Variants in IGSF9B observed in about 807,000 individuals in gnomAD.
IGSF9B encodes immunoglobulin superfamily member 9B.
Under a neutral mutation model 143.7 loss-of-function variants are expected in IGSF9B, and 48 were observed. The ratio of observed to expected loss-of-function variants is 0.33; its 90% CI spans 0.26 to 0.42. The LOEUF is 0.42. IGSF9B is among the 20% of genes least tolerant of loss of function. IGSF9B has a pLI of 1.00. For synonymous variants in IGSF9B, 903 were observed against 833.1 expected, an observed-to-expected ratio of 1.08 and a Z score of -1.44; for missense variants, 1,706 against 1,980.0, an observed-to-expected ratio of 0.86 and a Z score of 2.63.
At chr11:133,932,314 G>C (rs1939747855) in intron 7 of IGSF9B, 101 bp from the exon 8 acceptor site, 6 of 1,281,862 alleles carry the variant, frequency 4.7e-6, no homozygotes, top group Non-Finnish European at 6.4e-6. Context: ...GACAGACACA[G>C]GGAAGCCAGG....
At chr11:133,949,032 C>T (rs928678821) in intron 1 of IGSF9B, among the ~76,000 whole-genome samples, 23 of 152,132 alleles carry the variant, frequency 1.5e-4, no homozygotes, top group African/African-American at 5.6e-4. Flanking sequence ...GATTCCACCC[C>T]AGCCCCAGCC....
At chr11:133,937,670 G>T (rs1021585335) in intron 4 of IGSF9B, 140 bp downstream of exon 4, 31 of 1,151,934 alleles carry the variant, frequency 2.7e-5, no homozygotes, top group Non-Finnish European at 3.6e-5. Flanking sequence ...ACACAGAGAC[G>T]CCTGCAGCTG....
At chr11:133,934,493 G>A (rs1218263191) in intron 7 of IGSF9B, among the ~76,000 whole-genome samples, 1 of 152,222 alleles carries the variant, frequency 6.6e-6, no homozygotes, top group East Asian at 1.9e-4. Context: ...CTGTTGTCCT[G>A]GACCTCACGG....
intron 3 of IGSF9B, among the ~76,000 whole-genome samples, chr11:133,938,515 C>A (rs1939866749): frequency 6.6e-6 from 1 of 152,222 alleles, no homozygotes; most frequent in Non-Finnish European, 1.5e-5. Flanking sequence ...CCGAAGGCCA[C>A]TCCCTTCTTC....
Position 133,921,150 on chromosome 11 carries a change from C to G in IGSF9B, c.2575G>C (p.Val859Leu), listed in dbSNP as rs756787214. The G allele has an allele frequency of 5.0e-6, 8 of 1,613,088 alleles. No individual in the cohort carries two copies. Among genetic ancestry groups the G allele is most frequent in the Non-Finnish European group, 6.8e-6 (8 of 1,179,568 alleles). Residue 859 changes from valine to leucine, a missense_variant, in exon 18 of 20, where the codon GTG (valine) becomes CTG (leucine). Physicochemically the swap from Val to Leu is conservative, Grantham distance 32 (BLOSUM62 1). This residue lies in a region of IGSF9B where 135 missense variants were observed against 181.3 expected (regional missense o/e 0.74). Transcript: ENST00000533871. ...LISRGPDGRF[V>L]MDPAEMEPSL... ...GGCTCCATCTCGGCAGGGTCCATCA[C>G]GAAGCGGCCGTCAGGGCCTCTGCTG... is the stretch of plus-strand genomic sequence containing the variant.
chr11:133,931,781 G>A lies in IGSF9B; in HGVS notation c.1125C>T (p.Thr375=), dbSNP rs369710429. Residue 375 remains threonine (T), a synonymous_variant, in exon 9 of 20, where the codon ACC becomes ACT. Coordinates refer to ENST00000533871, the MANE Select transcript of IGSF9B (RefSeq NM_001277285.4). The surrounding 1 kb of genome is among the most constrained non-coding windows in gnomAD (Gnocchi z 7.7). Reference sequence around the variant, plus strand: ...TTCGAATGGAGCCATCCTCCATCAGGGTCCAACCGAGGTTCTGCCAGACAC... The same window carrying A: ...TTCGAATGGAGCCATCCTCCATCAGAGTCCAACCGAGGTTCTGCCAGACAC... The part of the protein sequence containing the change: ...PLQVEKNLGW[T]LMEDGSIRIE... 1.7e-5 allele frequency: 27 copies of A among 1,611,824 alleles called. No homozygotes were observed. Among genetic ancestry groups the A allele is most frequent in the Non-Finnish European group, 2.2e-5 (26 of 1,179,380 alleles).
At position 133,907,887 on chromosome 11, in the gene IGSF9B, A is replaced by C. The variant is rs1939234148; in HGVS notation, c.*1182T>G. On this transcript the variant is annotated 3_prime_UTR_variant, in exon 20 of 20. Coordinates refer to ENST00000533871, the MANE Select transcript of IGSF9B (RefSeq NM_001277285.4). ...GAGGACGAAGGCCCCGGGGCAGAGA[A>C]GAGTCGGCAGGCAGCACGTGGTGAG... 6.6e-6 allele frequency among the ~76,000 whole-genome samples: 1 copy of C among 152,222 alleles called. No individual in the cohort carries two copies. The highest frequency in any genetic ancestry group is 1.5e-5 in the Non-Finnish European group (1 of 68,034).
chr11:133,941,804 C>T (rs557439218), intron 3 of IGSF9B, among the ~76,000 whole-genome samples: 172 of 152,194 alleles, frequency 1.1e-3, no homozygotes, highest in Non-Finnish European at 2.1e-3. Flanking sequence ...CTTCCGAGCA[C>T]GCTTGTCCAC....
At chr11:133,932,489 A>G (rs111174075) in intron 7 of IGSF9B, among the ~76,000 whole-genome samples, 195 of 113,256 alleles carry the variant, frequency 1.7e-3, no homozygotes, top group Middle Eastern at 0.011. Context: ...AAGCCAGGTG[A>G]GAGAGCAGAC....
At position 133,907,872 on chromosome 11, in the gene IGSF9B, G is replaced by A. The variant is rs766470073; in HGVS notation, c.*1197C>T. ...AGCTCAGGTCCACCGGAGGACGAAG[G>A]CCCCGGGGCAGAGAAGAGTCGGCAG... is the stretch of plus-strand genomic sequence containing the variant. On this transcript the variant is annotated 3_prime_UTR_variant, in exon 20 of 20. Transcript: ENST00000533871. Among the ~76,000 whole-genome samples the A allele has an allele frequency of 2.6e-5, 4 of 152,218 alleles. No individual in the cohort carries two copies. The highest frequency in any genetic ancestry group is 4.8e-5 in the African/African-American group (2 of 41,464).
In IGSF9B at chr11:133,920,191, C is replaced by T; in HGVS notation, c.3534G>A (p.Arg1178=). The change falls in exon 18 of 20, where the codon CGG becomes CGA. Residue 1178 remains arginine (R), a synonymous_variant. Coordinates refer to ENST00000533871, the MANE Select transcript of IGSF9B (RefSeq NM_001277285.4). ...TRWYEPQPRP[R]PSPRQARRAE... is the part of the protein sequence containing the mutation. ...CGCGCCTGGCCTGCCGAGGGCTAGGCCGGGGCCGGGGCTGGGGCTCATACC... is the reference window on the plus strand; with the variant it reads ...CGCGCCTGGCCTGCCGAGGGCTAGGTCGGGGCCGGGGCTGGGGCTCATACC... The T allele has an allele frequency of 6.6e-7, 1 of 1,510,468 alleles. No homozygotes were observed. Among genetic ancestry groups the T allele is most frequent in the Non-Finnish European group, 8.9e-7 (1 of 1,129,830 alleles). 93.6% of individuals were successfully genotyped at this position (1,510,468 alleles called of 1,614,324 possible).
intron 1 of IGSF9B, 73 bp downstream of exon 1, chr11:133,956,594 GAACCGGGGGGCCAAGGAGCCGGGA>G (rs1418518509): frequency 1.7e-5 from 14 of 812,852 alleles, no homozygotes; most frequent in African/African-American, 3.6e-5. Context: ...GGGAGCTGGG[GAACCGGGGGGCCAAGGAGCCGGGA>G]AACCGAGGGG....
At chr11:133,919,118 C>CGGGGGGGGGGTG in intron 18 of IGSF9B, 1 of 66,602 alleles carries the variant, frequency 1.5e-5, no homozygotes, top group South Asian at 1.7e-4. Context: ...GCGAGGTATA[C>CGGGGGGGGGGTG]GGGGGGGGGG....
chr11:133,919,708 C>G, intron 18 of IGSF9B, 34 bp downstream of exon 18: 1 of 1,302,624 alleles, frequency 7.7e-7, no homozygotes, highest in East Asian at 2.9e-5. Context: ...GGAAGTTGCC[C>G]AGGTGCGGGT....
chr11:133,915,268 CTTTTT>C (rs33964936), intron 18 of IGSF9B, among the ~76,000 whole-genome samples: 2 of 86,704 alleles, frequency 2.3e-5, no homozygotes, highest in Non-Finnish European at 4.4e-5. Flanking sequence ...CTCTCTCTCT[CTTTTT>C]TTTTTTTTTT....
chr11:133,936,445 G>A (rs971337272), intron 5 of IGSF9B, among the ~76,000 whole-genome samples: 2 of 152,070 alleles, frequency 1.3e-5, no homozygotes, highest in Non-Finnish European at 2.9e-5. Context: ...AGCAGAGCCC[G>A]AGCCAGACAT....
intron 2 of IGSF9B, 37 bp from the exon 3 acceptor site, chr11:133,944,403 T>G (rs917467951): frequency 3.1e-6 from 5 of 1,609,156 alleles, no homozygotes; most frequent in Non-Finnish European, 4.2e-6. Context: ...CCACAGGCCA[T>G]CAGGTAAGGA....
intron 3 of IGSF9B, among the ~76,000 whole-genome samples, 185 bp downstream of exon 3, chr11:133,944,035 G>A (rs1299288393): frequency 1.3e-5 from 2 of 152,238 alleles, no homozygotes; most frequent in Non-Finnish European, 2.9e-5. Flanking sequence ...CACAGGCTTC[G>A]AGAAGACAGC....
At position 133,905,565 on chromosome 11, in the gene IGSF9B, A is replaced by G. The variant is rs757222001; in HGVS notation, c.*3504T>C. ...AGAGAGCATGGAAAAATAACAAGAAATACTCGGCTCAATCCACCCGGCTTC... is the reference window on the plus strand; with the variant it reads ...AGAGAGCATGGAAAAATAACAAGAAGTACTCGGCTCAATCCACCCGGCTTC... On this transcript the variant is annotated 3_prime_UTR_variant, in exon 20 of 20. Transcript: ENST00000533871. The surrounding 1 kb of genome is among the most constrained non-coding windows in gnomAD (Gnocchi z 4.0). Among the ~76,000 whole-genome samples the G allele has an allele frequency of 1.3e-5, 2 of 152,296 alleles. No individual in the cohort carries two copies. Among genetic ancestry groups the G allele is most frequent in the Admixed American group, 6.5e-5 (1 of 15,300 alleles).
Sources: gnomAD v4.1 joint callset for allele counts (sites outside exome capture counted in the v4.1 genomes callset) on GRCh38, gnomAD v4.1.1 for gene constraint, gnomAD v4.1.1 regional missense constraint, Gnocchi (gnomAD v3.1) non-coding constraint, MANE v1.5 for transcripts, NCBI Gene and HGNC (gene_info 2026-07-23, HGNC 2026-07-21) for gene names.